Variants in PKHD1 observed in about 807,000 individuals in gnomAD.
PKHD1 encodes fibrocystin.
Under a neutral mutation model 412.0 loss-of-function variants are expected in PKHD1, and 291 were observed. The ratio of observed to expected loss-of-function variants is 0.71; its 90% CI spans 0.64 to 0.78. PKHD1 has a LOEUF of 0.78. PKHD1 is among the 30% of genes least tolerant of loss of function. The pLI is 0.00. For synonymous variants in PKHD1, 1,777 were observed against 1,821.5 expected, an observed-to-expected ratio of 0.98 and a Z score of 0.62; for missense variants, 4,825 against 4,950.7, an observed-to-expected ratio of 0.97 and a Z score of 0.76.
chr6:51,849,817 C>A (rs1262690959), intron 49 of PKHD1, among the ~76,000 whole-genome samples: 1 of 152,162 alleles, frequency 6.6e-6, no homozygotes, highest in Non-Finnish European at 1.5e-5. Flanking sequence ...GGGTAGATTG[C>A]AGAAATATTC....
Position 51,912,463 on chromosome 6 carries a change from T to G in PKHD1, c.6235A>C (p.Ile2079Leu), listed in dbSNP as rs774486000. 1 of 1,612,644 alleles carries G rather than the reference T, an allele frequency of 6.2e-7. No individual in the cohort carries two copies. The highest frequency in any genetic ancestry group is 8.5e-7 in the Non-Finnish European group (1 of 1,178,974). ...DWNPGDEVVI[I>L]SGTGVKGAKP... Reference sequence around the variant, plus strand: ...GCACCTTTAACACCTGTTCCACTGATGATGACAACTTCATCCCCAGGGTTC... The same window carrying G: ...GCACCTTTAACACCTGTTCCACTGAGGATGACAACTTCATCCCCAGGGTTC... The change falls in exon 38 of 67, where the codon ATC (isoleucine) becomes CTC (leucine). Residue 2079 changes from isoleucine to leucine, a missense_variant. By Grantham distance (5) the Ile-to-Leu change is conservative. Coordinates refer to ENST00000371117, the MANE Select transcript of PKHD1 (RefSeq NM_138694.4).
intron 35 of PKHD1, among the ~76,000 whole-genome samples, chr6:51,992,930 T>G (rs1247924983): frequency 3.9e-5 from 6 of 152,178 alleles, no homozygotes; most frequent in Non-Finnish European, 8.8e-5. Flanking sequence ...CTGCCCCCAT[T>G]AAAATGTAAA....
intron 1 of PKHD1, 86 bp from the exon 2 acceptor site, chr6:52,085,103 G>A (rs1472944955): frequency 4.9e-6 from 3 of 617,678 alleles, no homozygotes; most frequent in Non-Finnish European, 8.9e-6. Flanking sequence ...GGAAATTAAG[G>A]AGATGAGATA....
Position 51,975,963 on chromosome 6 carries a change from TAAAAAAAAAAAAA to T in PKHD1, c.5752-15950_5752-15938del, listed in dbSNP as rs66774242. The T allele has an allele frequency of 4.8e-3, 335 of 69,782 alleles. 9 individuals carry two copies. Among genetic ancestry groups the T allele is most frequent in the African/African-American group, 0.018 (325 of 18,514 alleles). 4.3% of individuals were successfully genotyped at this position (69,782 alleles called of 1,614,324 possible). A position where few individuals can be genotyped will look rare whatever the true frequency, so the allele number is the denominator to read the frequency against. On this transcript the variant is annotated intron_variant, in intron 35 of 66. Coordinates refer to ENST00000371117, the MANE Select transcript of PKHD1 (RefSeq NM_138694.4). ...AACATAGCGAGACCCTTTCTCTAAT[TAAAAAAAAAAAAA>T]AAAAAAAAAAAAAACAGAAAACAAC... is the stretch of plus-strand genomic sequence containing the variant.
intron 34 of PKHD1, among the ~76,000 whole-genome samples, chr6:52,015,433 G>A (rs540142240): frequency 1.3e-5 from 2 of 152,154 alleles, no homozygotes; most frequent in Non-Finnish European, 2.9e-5. Context: ...CCTTCCCACT[G>A]GCAAAAAGAC....
chr6:51,919,465 T>A (rs952743394), intron 37 of PKHD1, among the ~76,000 whole-genome samples: 1 of 152,212 alleles, frequency 6.6e-6, no homozygotes, highest in African/African-American at 2.4e-5. Flanking sequence ...TTCTGAGGGC[T>A]CTGTTCTGTT....
rs5876230 is a variant in PKHD1 at position 51,656,663 on chromosome 6, C to CTT, written c.11174+2287_11174+2288dup. On this transcript the variant is annotated intron_variant, in intron 61 of 66. Coordinates refer to ENST00000371117, the MANE Select transcript of PKHD1 (RefSeq NM_138694.4). ...AGTTGGTAGCTTATAGCTTTTCTTT[C>CTT]TTTTTTTTTTTTTTTAAGACAGTAT... Among the ~76,000 whole-genome samples, 456 of 142,068 alleles carry CTT rather than the reference C, an allele frequency of 3.2e-3. 6 individuals are homozygous for CTT. In the East Asian group the frequency reaches 0.047, roughly 15 times the overall value. The allele number at this position is 142,068 out of a possible 152,430, so 93.2% of individuals were successfully genotyped here.
At chr6:51,783,177 A>G (rs564340253) in intron 53 of PKHD1, among the ~76,000 whole-genome samples, 40 of 152,108 alleles carry the variant, frequency 2.6e-4, no homozygotes, top group Non-Finnish European at 4.3e-4. Flanking sequence ...GCAACTAGAC[A>G]GTGCATCATG....
intron 16 of PKHD1, among the ~76,000 whole-genome samples, 164 bp downstream of exon 16, chr6:52,058,159 T>C (rs1167524274): frequency 6.6e-6 from 1 of 152,190 alleles, no homozygotes; most frequent in Non-Finnish European, 1.5e-5. Context: ...AGACATCACA[T>C]TTTTGTAAAC....
intron 35 of PKHD1, among the ~76,000 whole-genome samples, chr6:51,962,391 G>T (rs944436629): frequency 1.3e-5 from 2 of 152,094 alleles, no homozygotes; most frequent in Non-Finnish European, 2.9e-5. Flanking sequence ...AAATTTTTAT[G>T]ATTAGCACAG....
intron 50 of PKHD1, among the ~76,000 whole-genome samples, chr6:51,839,316 T>G (rs1769768102): frequency 6.6e-6 from 1 of 152,228 alleles, no homozygotes; most frequent in South Asian, 2.1e-4. Flanking sequence ...ATTTGTAATA[T>G]GAGAATGGTT....
chr6:52,032,226 T>C (rs1449589255), intron 29 of PKHD1, among the ~76,000 whole-genome samples: 2 of 152,150 alleles, frequency 1.3e-5, no homozygotes, highest in Non-Finnish European at 2.9e-5. Context: ...GACTTTTTCT[T>C]TGGGAAATAT....
intron 35 of PKHD1, among the ~76,000 whole-genome samples, chr6:51,987,411 G>C (rs1423563053): frequency 6.6e-6 from 1 of 152,148 alleles, no homozygotes; most frequent in East Asian, 1.9e-4. Flanking sequence ...ACTTCACAAT[G>C]ACCTTCCAAG....
At chr6:52,002,769 A>T (rs999251085) in intron 35 of PKHD1, among the ~76,000 whole-genome samples, 1 of 152,244 alleles carries the variant, frequency 6.6e-6, no homozygotes, top group Non-Finnish European at 1.5e-5. Flanking sequence ...GAGAAACAAA[A>T]TTAATTAGGG....
At chr6:51,680,131 A>AT in intron 60 of PKHD1, among the ~76,000 whole-genome samples, 1 of 151,488 alleles carries the variant, frequency 6.6e-6, no homozygotes, top group East Asian at 1.9e-4. Context: ...AGCATAATAT[A>AT]TATTATTATT....
chr6:52,026,329 C>T, intron 31 of PKHD1, 148 bp from the exon 32 acceptor site: 1 of 755,136 alleles, frequency 1.3e-6, no homozygotes, highest in Non-Finnish European at 2.3e-6. Context: ...CCCACCAAAG[C>T]TAAATTTGTG....
Position 51,772,201 on chromosome 6 carries a change from G to A in PKHD1, c.8642+501C>T, listed in dbSNP as rs1334250707. On this transcript the variant is annotated intron_variant, in intron 55 of 66. Coordinates refer to ENST00000371117, the MANE Select transcript of PKHD1 (RefSeq NM_138694.4). ...TTTATTTCCTAGTCTTATCCTCTGT[G>A]TTTGGATAGGTCTCCATCAGTTTGT... 7.2e-5 allele frequency among the ~76,000 whole-genome samples: 11 copies of A among 151,984 alleles called. No homozygotes were observed. The Middle Eastern group carries it at 0.01, about 142-fold the overall frequency.
intron 63 of PKHD1, among the ~76,000 whole-genome samples, chr6:51,640,062 G>A (rs1485674437): frequency 6.6e-6 from 1 of 152,106 alleles, no homozygotes; most frequent in East Asian, 1.9e-4. Context: ...ATAAATGATA[G>A]GTGCCCAAGA....
At position 52,022,810 on chromosome 6, in the gene PKHD1, G is replaced by T. The variant is rs1336877607; in HGVS notation, c.5371C>A (p.Pro1791Thr). 1.9e-6 allele frequency: 3 copies of T among 1,613,868 alleles called. No individual in the cohort carries two copies. ...TGGCATCTTTACTCACCATCCAGGG[G>T]CAGAACCAAGCAGCTGAAGGCAGAC... ...TVSAFSCLVL[P>T]LDVSLAFLCG... The change falls in exon 33 of 67, where the codon CCC (proline) becomes ACC (threonine). Residue 1791 changes from proline to threonine, a missense_variant. Transcript: ENST00000371117.
Sources: allele counts gnomAD v4.1 joint callset (sites outside exome capture counted in the v4.1 genomes callset), GRCh38; gene constraint gnomAD v4.1.1; transcripts MANE v1.5; gene names NCBI Gene and HGNC (gene_info 2026-07-23, HGNC 2026-07-21).